The following CSMD3 variants were observed in gnomAD, a reference collection of about 807,000 sequenced individuals.
CSMD3 encodes CUB and Sushi multiple domains 3.
In CSMD3, 177 loss-of-function variants were observed where a neutral mutation model predicts 435.2. The ratio of observed to expected loss-of-function variants is 0.41; its 90% CI spans 0.36 to 0.46. The LOEUF is 0.46. Among genes scored for constraint, CSMD3 ranks in the 20% least tolerant of loss-of-function variants. The pLI, the probability that CSMD3 is intolerant of heterozygous loss-of-function variation, is 0.34. For synonymous variants in CSMD3, 1,656 were observed against 1,520.5 expected (o/e 1.09, Z -2.07); for missense variants, 4,265 against 4,504.6 (o/e 0.95, Z 1.52).
At chr8:113,217,601 C>A (rs1280838379) in intron 3 of CSMD3, among the ~76,000 whole-genome samples, 1 of 151,348 alleles carries the variant, frequency 6.6e-6, no homozygotes, top group African/African-American at 2.4e-5. Flanking sequence ...ACAGCGTATT[C>A]AAAATTGTAG....
chr8:112,316,418 T>A (rs1352271270), intron 47 of CSMD3, among the ~76,000 whole-genome samples: 4 of 151,578 alleles, frequency 2.6e-5, no homozygotes, highest in East Asian at 1.9e-4. Flanking sequence ...GGAAATGATA[T>A]GGAATATATG....
chr8:112,748,912 T>C (rs999904157), intron 13 of CSMD3, among the ~76,000 whole-genome samples: 9 of 152,112 alleles, frequency 5.9e-5, no homozygotes, highest in Non-Finnish European at 1.3e-4. Context: ...TAAGGAATCA[T>C]CATACTGCTT....
intron 12 of CSMD3, among the ~76,000 whole-genome samples, chr8:112,823,728 G>A (rs2079593805): frequency 6.6e-6 from 1 of 152,066 alleles, no homozygotes; most frequent in Admixed American, 6.6e-5. Context: ...GCTGAGGAGT[G>A]TTTTACTTCT....
intron 5 of CSMD3, among the ~76,000 whole-genome samples, chr8:113,070,222 A>G (rs911978896): frequency 6.6e-6 from 1 of 152,100 alleles, no homozygotes; most frequent in African/African-American, 2.4e-5. Context: ...GGGCAAAATC[A>G]GTGACTTGTA....
intron 10 of CSMD3, among the ~76,000 whole-genome samples, chr8:112,870,272 AT>A (rs367725898): frequency 1.3e-3 from 177 of 141,174 alleles, no homozygotes; most frequent in East Asian, 1.6e-3. Flanking sequence ...CAGAATGGCT[AT>A]TTTTTTTTTT....
chr8:112,816,284 A>T (rs551055418), intron 12 of CSMD3, among the ~76,000 whole-genome samples: 42 of 152,122 alleles, frequency 2.8e-4, no homozygotes, highest in African/African-American at 1.0e-3. Context: ...CCCTCAAGGG[A>T]TGAGTGTGTA....
chr8:112,568,269 A>C (rs1009713706), intron 24 of CSMD3, among the ~76,000 whole-genome samples: 1 of 152,178 alleles, frequency 6.6e-6, no homozygotes, highest in African/African-American at 2.4e-5. Context: ...AACGCTAAAG[A>C]TGAAGACTGA....
rs370678352 is a variant in CSMD3, at chr8:112,645,169, G to A, written c.3250C>T (p.Pro1084Ser). Reference sequence around the variant, plus strand: ...TTCAGAGAATTTGGATAAAATTCCGGGTAACCAGGTGATAAGATTGTTCCA... The same window carrying A: ...TTCAGAGAATTTGGATAAAATTCCGAGTAACCAGGTGATAAGATTGTTCCA... ...PSGTILSPGY[P>S]EFYPNSLNCT... Residue 1084 changes from proline to serine, a missense_variant, in exon 20 of 71, where the codon CCG becomes TCG. Pro to Ser is a moderately conservative substitution (Grantham distance 74). Coordinates refer to ENST00000297405, the MANE Select transcript of CSMD3 (RefSeq NM_198123.2). 64 of 1,609,824 alleles carry A rather than the reference G, an allele frequency of 4.0e-5. No homozygotes were observed. Among genetic ancestry groups the A allele is most frequent in the South Asian group, 5.5e-5 (5 of 90,982 alleles).
rs149303943 is a variant in CSMD3 at position 113,358,142 on chromosome 8, T to G, written c.179-43349A>C. ...CAATATAATATTGTAATGTGTTTAT[T>G]TGGATATTATATGCAAATAGCACAA... On this transcript the variant is annotated intron_variant, in intron 1 of 70. Coordinates refer to ENST00000297405, the MANE Select transcript of CSMD3 (RefSeq NM_198123.2). Among the ~76,000 whole-genome samples, 20 of 152,340 alleles carry G rather than the reference T, an allele frequency of 1.3e-4. No individual in the cohort carries two copies. In the East Asian group the frequency reaches 3.9e-3, roughly 29 times the overall value.
chr8:112,651,889 C>A (rs764198642), intron 18 of CSMD3, among the ~76,000 whole-genome samples: 1 of 152,052 alleles, frequency 6.6e-6, no homozygotes, highest in Non-Finnish European at 1.5e-5. Flanking sequence ...CTCTTTTCCT[C>A]CACAAAATAT....
At chr8:112,906,372 A>G (rs1195806199) in intron 10 of CSMD3, among the ~76,000 whole-genome samples, 1 of 151,234 alleles carries the variant, frequency 6.6e-6, no homozygotes, top group Non-Finnish European at 1.5e-5. Flanking sequence ...CCAAAAAACA[A>G]CCCATATAAC....
At chr8:113,044,554 TA>T (rs1166067203) in intron 5 of CSMD3, among the ~76,000 whole-genome samples, 4 of 149,320 alleles carry the variant, frequency 2.7e-5, no homozygotes, top group African/African-American at 9.7e-5. Context: ...TACAAATAAG[TA>T]AAATGCCAAA....
chr8:112,846,122 T>C (rs1422364885), intron 11 of CSMD3, among the ~76,000 whole-genome samples: 1 of 151,812 alleles, frequency 6.6e-6, no homozygotes, highest in Non-Finnish European at 1.5e-5. Flanking sequence ...TATATCTTAT[T>C]TGATACTTTT....
At chr8:112,484,004 T>C (rs1331628744) in intron 31 of CSMD3, among the ~76,000 whole-genome samples, 1 of 152,212 alleles carries the variant, frequency 6.6e-6, no homozygotes, top group Non-Finnish European at 1.5e-5. Context: ...TCAAGGTGGA[T>C]GTGGTCCTCT....
At chr8:113,301,646 C>G (rs1181222736) in intron 2 of CSMD3, among the ~76,000 whole-genome samples, 1 of 151,580 alleles carries the variant, frequency 6.6e-6, no homozygotes, top group Non-Finnish European at 1.5e-5. Context: ...ATTTTTTTCT[C>G]TAAAAATATC....
chr8:113,063,950 G>A (rs1370788674), intron 5 of CSMD3, among the ~76,000 whole-genome samples: 1 of 151,266 alleles, frequency 6.6e-6, no homozygotes, highest in Non-Finnish European at 1.5e-5. Flanking sequence ...ATATTAAAAG[G>A]ACTATAATAA....
At position 112,397,657 on chromosome 8, in the gene CSMD3, G is replaced by T. The variant is rs183273252; in HGVS notation, c.5810-6869C>A. Among the ~76,000 whole-genome samples, 8 of 152,230 alleles carry T rather than the reference G, an allele frequency of 5.3e-5. No homozygotes were observed. In the East Asian group the frequency reaches 1.5e-3, roughly 29 times the overall value. On this transcript the variant is annotated intron_variant, in intron 35 of 70. Transcript: ENST00000297405. ...TCCTCACATGGTAAAACTGGCTAGA[G>T]ATCTCTCTGGGGTCTCTTTCATAAG... is the stretch of plus-strand genomic sequence containing the variant.
rs150143904 is a variant in CSMD3, at chr8:113,138,127, C to T, written c.709+35595G>A. Among the ~76,000 whole-genome samples, 379 of 151,270 alleles carry T rather than the reference C, an allele frequency of 2.5e-3. 2 individuals carry two copies. Among genetic ancestry groups the T allele is most frequent in the African/African-American group, 8.8e-3 (366 of 41,378 alleles). On this transcript the variant is annotated intron_variant, in intron 4 of 70. Transcript: ENST00000297405. ...ATACTTATTTGATTCTACCTAAAAC[C>T]ACACTTTTCAAAACACTCAAAGGAC...
intron 4 of CSMD3, among the ~76,000 whole-genome samples, chr8:113,108,053 A>G (rs1437159277): frequency 6.6e-6 from 1 of 152,204 alleles, no homozygotes; most frequent in African/African-American, 2.4e-5. Flanking sequence ...TCACAGTTCA[A>G]AAACATAGGA....
Sources: gnomAD v4.1 joint callset for allele counts (sites outside exome capture counted in the v4.1 genomes callset) on GRCh38, gnomAD v4.1.1 for gene constraint, MANE v1.5 for transcripts, NCBI Gene and HGNC (gene_info 2026-07-23, HGNC 2026-07-21) for gene names.